OSR2: variants seen among roughly 807,000 people sequenced by gnomAD.
OSR2 encodes odd-skipped related transciption factor 2.
OSR2 carries 8 observed loss-of-function variants against 22.3 expected under a neutral mutation model. The observed-to-expected ratio is 0.36, with a 90% confidence interval of 0.21 to 0.65. The LOEUF (loss-of-function observed/expected upper bound fraction) is 0.65. Ranked by LOEUF, OSR2 falls within the 30% of genes least tolerant of loss-of-function variation. The pLI is 0.66. For missense variants in OSR2, 311 were observed against 413.4 expected (o/e 0.75, Z 2.15); for synonymous variants, 179 against 173.8 (o/e 1.03, Z -0.23).
In OSR2 at chr8:98,951,826, A is replaced by G; in HGVS notation, c.*125A>G. ...CCAGCTCTTCCCTTGCTGCAGCCGC[A>G]CCTGCAGCTCCAGGGAGTTAACTCT... On this transcript the variant is annotated 3_prime_UTR_variant, in exon 4 of 4. Transcript: ENST00000297565. The G allele has an allele frequency of 4.4e-6, 4 of 915,104 alleles. No homozygotes were observed. Among genetic ancestry groups the G allele is most frequent in the Non-Finnish European group, 6.4e-6 (4 of 621,992 alleles). 56.7% of individuals were successfully genotyped at this position (915,104 alleles called of 1,614,324 possible). A position where few individuals can be genotyped will look rare whatever the true frequency, so the allele number is the denominator to read the frequency against.
In OSR2 at chr8:98,948,683, C is replaced by G. The variant is rs927480079; in HGVS notation, c.-114-156C>G. On this transcript the variant is annotated intron_variant, in intron 1 of 3. Coordinates refer to ENST00000297565, the MANE Select transcript of OSR2 (RefSeq NM_001142462.3). This position sits in a 1 kb window ranked among gnomAD's most constrained non-coding sequence, Gnocchi z 6.0. ...TCTGCACGCGGACTTGAGCAGGTGC[C>G]AAGGTGCCACGCAGTCCCCTCACGG... 1 of 1,050,514 alleles carries G rather than the reference C, an allele frequency of 9.5e-7. No individual in the cohort carries two copies. Among genetic ancestry groups the G allele is most frequent in the Non-Finnish European group, 1.3e-6 (1 of 749,392 alleles). The allele number at this position is 1,050,514 out of a possible 1,614,324, so 65.1% of individuals were successfully genotyped here.
Position 98,948,059 on chromosome 8 carries a change from A to G in OSR2, c.-114-780A>G. Reference sequence around the variant, plus strand: ...TGGGAGCCTGAACCATCTGGAAGGGATCTTAGTCGGGGGTTGGGAGGAGAG... The same window carrying G: ...TGGGAGCCTGAACCATCTGGAAGGGGTCTTAGTCGGGGGTTGGGAGGAGAG... On this transcript the variant is annotated intron_variant, in intron 1 of 3. Coordinates refer to ENST00000297565, the MANE Select transcript of OSR2 (RefSeq NM_001142462.3). The surrounding 1 kb of genome is among the most constrained non-coding windows in gnomAD (Gnocchi z 6.0). The G allele has an allele frequency of 8.0e-7, 1 of 1,250,366 alleles. No homozygotes were observed. Among genetic ancestry groups the G allele is most frequent in the Non-Finnish European group, 1.0e-6 (1 of 972,060 alleles). 77.5% of individuals were successfully genotyped at this position (1,250,366 alleles called of 1,614,324 possible). A position where few individuals can be genotyped will look rare whatever the true frequency, so the allele number is the denominator to read the frequency against.
At chr8:98,947,860 C>T (rs1224573028) in intron 1 of OSR2, among the ~76,000 whole-genome samples, 3 of 152,180 alleles carry the variant, frequency 2.0e-5, no homozygotes, top group Non-Finnish European at 4.4e-5. Flanking sequence ...CTCTCCTCTC[C>T]CCTCTCTTCT....
rs1840666928 is a variant in OSR2 at position 98,948,222 on chromosome 8, G to A, written c.-114-617G>A. ...AAAAGAAAACCTCCGAGGTCAGTGC[G>A]GGGCGAGGTGAGCCCCTCCCAGGGC... is the stretch of plus-strand genomic sequence containing the variant. On this transcript the variant is annotated intron_variant, in intron 1 of 3. Coordinates refer to ENST00000297565, the MANE Select transcript of OSR2 (RefSeq NM_001142462.3). This position sits in a 1 kb window ranked among gnomAD's most constrained non-coding sequence, Gnocchi z 6.0. The A allele has an allele frequency of 6.8e-7, 1 of 1,464,596 alleles. No homozygotes were observed. Among genetic ancestry groups the A allele is most frequent in the African/African-American group, 1.4e-5 (1 of 69,524 alleles). The allele number at this position is 1,464,596 out of a possible 1,614,324, so 90.7% of individuals were successfully genotyped here. A position where few individuals can be genotyped will look rare whatever the true frequency, so the allele number is the denominator to read the frequency against.
chr8:98,948,994 G>T lies in OSR2; in HGVS notation c.42G>T (p.Pro14=), dbSNP rs1179299573. The T allele has an allele frequency of 3.0e-5, 49 of 1,613,838 alleles. No individual in the cohort carries two copies. Among genetic ancestry groups the T allele is most frequent in the Non-Finnish European group, 3.7e-5 (44 of 1,179,904 alleles). The change falls in exon 2 of 4, where the codon CCG becomes CCT. Residue 14 remains proline, a synonymous_variant. Coordinates refer to ENST00000297565, the MANE Select transcript of OSR2 (RefSeq NM_001142462.3). This position sits in a 1 kb window ranked among gnomAD's most constrained non-coding sequence, Gnocchi z 6.0. ...KALPAPIPLH[P]SLQLTNYSFL... ...TGCCAGCGCCCATCCCGCTCCACCC[G>T]TCGCTGCAGCTCACCAATTACTCCT...
Position 98,948,354 on chromosome 8 carries a change from C to A in OSR2, c.-114-485C>A. ...CACAGGGCGCGGCGGCAGCGCAGCGCGTGGGATCTCACGACCCATCCGTTA... is the reference window on the plus strand; with the variant it reads ...CACAGGGCGCGGCGGCAGCGCAGCGAGTGGGATCTCACGACCCATCCGTTA... On this transcript the variant is annotated intron_variant, in intron 1 of 3. Coordinates refer to ENST00000297565, the MANE Select transcript of OSR2 (RefSeq NM_001142462.3). This position sits in a 1 kb window ranked among gnomAD's most constrained non-coding sequence, Gnocchi z 6.0. 1 of 1,518,916 alleles carries A rather than the reference C, an allele frequency of 6.6e-7. No homozygotes were observed. The highest frequency in any genetic ancestry group is 1.4e-5 in the African/African-American group (1 of 72,100). 94.1% of individuals were successfully genotyped at this position (1,518,916 alleles called of 1,614,324 possible). A position where few individuals can be genotyped will look rare whatever the true frequency, so the allele number is the denominator to read the frequency against.
In OSR2 at chr8:98,949,817, G is replaced by C. The variant is rs770191972; in HGVS notation, c.656+209G>C. Among the ~76,000 whole-genome samples the C allele has an allele frequency of 6.6e-6, 1 of 152,296 alleles. No homozygotes were observed. Among genetic ancestry groups the C allele is most frequent in the Non-Finnish European group, 1.5e-5 (1 of 68,016 alleles). Reference sequence around the variant, plus strand: ...TGCTACGTTCTTGTTTGGAATGAGGGAGGGCCTTTCCTCAGTCTTGGACAG... The same window carrying C: ...TGCTACGTTCTTGTTTGGAATGAGGCAGGGCCTTTCCTCAGTCTTGGACAG... On this transcript the variant is annotated intron_variant, in intron 2 of 3. Coordinates refer to ENST00000297565, the MANE Select transcript of OSR2 (RefSeq NM_001142462.3). This position sits in a 1 kb window ranked among gnomAD's most constrained non-coding sequence, Gnocchi z 5.9.
In OSR2 at chr8:98,944,667, G is replaced by C. The variant is rs1386331089; in HGVS notation, c.-271G>C. The C allele has an allele frequency of 6.6e-6, 1 of 152,290 alleles. No homozygotes were observed. The highest frequency in any genetic ancestry group is 1.5e-5 in the Non-Finnish European group (1 of 68,086). The allele number at this position is 152,290 out of a possible 1,614,324, so 9.4% of individuals were successfully genotyped here. ...AAGACGTGGATCTGCTCTCGCTTTAGCTGCTCGCGGTCCTCCAGATCATGT... is the reference window on the plus strand; with the variant it reads ...AAGACGTGGATCTGCTCTCGCTTTACCTGCTCGCGGTCCTCCAGATCATGT... On this transcript the variant is annotated 5_prime_UTR_variant, in exon 1 of 4. Transcript: ENST00000297565.
Position 98,952,019 on chromosome 8 carries a change from C to T in OSR2, c.*318C>T, listed in dbSNP as rs531110984. ...TTGCTTTGGGATCTTGTTGGATGCA[C>T]TTAGATATGGAAAATGGAAGCCAAA... On this transcript the variant is annotated 3_prime_UTR_variant, in exon 4 of 4. Coordinates refer to ENST00000297565, the MANE Select transcript of OSR2 (RefSeq NM_001142462.3). The T allele has an allele frequency of 4.2e-6, 1 of 238,308 alleles. No homozygotes were observed. Among genetic ancestry groups the T allele is most frequent in the East Asian group, 8.1e-5 (1 of 12,360 alleles). 14.8% of individuals were successfully genotyped at this position (238,308 alleles called of 1,614,324 possible). A position where few individuals can be genotyped will look rare whatever the true frequency, so the allele number is the denominator to read the frequency against.
rs560911414 is a variant in OSR2 at position 98,948,375 on chromosome 8, C to A, written c.-114-464C>A. ...AGCGCGTGGGATCTCACGACCCATC[C>A]GTTAACCCACCGTTCCCAGGAGCTC... On this transcript the variant is annotated intron_variant, in intron 1 of 3. Transcript: ENST00000297565. The surrounding 1 kb of genome is among the most constrained non-coding windows in gnomAD (Gnocchi z 6.0). The A allele has an allele frequency of 6.7e-7, 1 of 1,489,220 alleles. No individual in the cohort carries two copies. The highest frequency in any genetic ancestry group is 8.9e-7 in the Non-Finnish European group (1 of 1,121,614). The allele number at this position is 1,489,220 out of a possible 1,614,324, so 92.3% of individuals were successfully genotyped here.
At chr8:98,945,212 G>T (rs1840571293) in intron 1 of OSR2, among the ~76,000 whole-genome samples, 1 of 152,242 alleles carries the variant, frequency 6.6e-6, no homozygotes, top group South Asian at 2.1e-4. Flanking sequence ...GCGTGGACGG[G>T]CCCGGACACC....
intron 3 of OSR2, 62 bp downstream of exon 3, chr8:98,950,817 A>G: frequency 1.9e-6 from 2 of 1,079,588 alleles, no homozygotes; most frequent in Middle Eastern, 3.9e-4. Context: ...TGCTTTGCAA[A>G]AGGTGTTCAA....
At position 98,951,638 on chromosome 8, in the gene OSR2, G is replaced by A. The variant is rs747303318; in HGVS notation, c.876G>A (p.Val292=). Residue 292 remains valine (V), a synonymous_variant, in exon 4 of 4, where the codon GTG becomes GTA. Transcript: ENST00000297565. ...ACAGCTGCGAGCAGTGCGGCAAAGT[G>A]TTCAGGCGAAACTGTGATCTGCGGC... The part of the protein sequence containing the change: ...KPYSCEQCGK[V]FRRNCDLRRH... 6.2e-6 allele frequency: 10 copies of A among 1,613,864 alleles called. No homozygotes were observed. The South Asian group carries it at 6.6e-5, about 11-fold the overall frequency.
At position 98,949,093 on chromosome 8, in the gene OSR2, G is replaced by C; in HGVS notation, c.141G>C (p.Gln47His). 1 of 1,613,926 alleles carries C rather than the reference G, an allele frequency of 6.2e-7. No individual in the cohort carries two copies. Among genetic ancestry groups the C allele is most frequent in the Non-Finnish European group, 8.5e-7 (1 of 1,179,894 alleles). ...GCCTGTACGGTCTCAGCGCGGTACA[G>C]ACCATGCACATGAACCACTGGACGC... The part of the protein sequence containing the change: ...LQGLYGLSAV[Q>H]TMHMNHWTLG... Residue 47 changes from glutamine to histidine, a missense_variant, in exon 2 of 4, where the codon CAG becomes CAC. Physicochemically the swap from Gln to His is conservative, Grantham distance 24. This residue lies in a region of OSR2 where 146 missense variants were observed against 160.5 expected (regional missense o/e 0.91). Coordinates refer to ENST00000297565, the MANE Select transcript of OSR2 (RefSeq NM_001142462.3). This position sits in a 1 kb window ranked among gnomAD's most constrained non-coding sequence, Gnocchi z 5.9.
In OSR2 at chr8:98,949,471, C is replaced by G; in HGVS notation, c.519C>G (p.Ile173Met). Residue 173 changes from isoleucine (I) to methionine (M), a missense_variant, in exon 2 of 4, where the codon ATC (isoleucine) becomes ATG (methionine). By Grantham distance (10) the Ile-to-Met change is conservative. Coordinates refer to ENST00000297565, the MANE Select transcript of OSR2 (RefSeq NM_001142462.3). The surrounding 1 kb of genome is among the most constrained non-coding windows in gnomAD (Gnocchi z 5.9). ...CCTCCAAAACGAAAAAAGAGTTTAT[C>G]TGCAAGTTTTGCGGCAGACACTTTA... The part of the protein sequence containing the change: ...RLPSKTKKEF[I>M]CKFCGRHFTK... 4 of 1,614,080 alleles carry G rather than the reference C, an allele frequency of 2.5e-6. No homozygotes were observed. Among genetic ancestry groups the G allele is most frequent in the Non-Finnish European group, 3.4e-6 (4 of 1,179,916 alleles).
chr8:98,950,552 C>T, intron 2 of OSR2, 104 bp from the exon 3 acceptor site: 1 of 708,394 alleles, frequency 1.4e-6, no homozygotes, highest in Non-Finnish European at 2.3e-6. Flanking sequence ...AAATGGAAAT[C>T]TTGTTTCTTT....
At position 98,948,001 on chromosome 8, in the gene OSR2, C is replaced by T. The variant is rs1354156200; in HGVS notation, c.-114-838C>T. ...GTCTGGGAAAAGGGGTTCCTCTGGC[C>T]TCAGGGACGTTCTCCGCCCCCACCC... On this transcript the variant is annotated intron_variant, in intron 1 of 3. Coordinates refer to ENST00000297565, the MANE Select transcript of OSR2 (RefSeq NM_001142462.3). This position sits in a 1 kb window ranked among gnomAD's most constrained non-coding sequence, Gnocchi z 6.0. Among the ~76,000 whole-genome samples, 1 of 152,156 alleles carries T rather than the reference C, an allele frequency of 6.6e-6. No homozygotes were observed. Among genetic ancestry groups the T allele is most frequent in the Non-Finnish European group, 1.5e-5 (1 of 68,030 alleles).
chr8:98,948,566 C>A lies in OSR2; in HGVS notation c.-114-273C>A, dbSNP rs1217312386. On this transcript the variant is annotated intron_variant, in intron 1 of 3. Coordinates refer to ENST00000297565, the MANE Select transcript of OSR2 (RefSeq NM_001142462.3). The surrounding 1 kb of genome is among the most constrained non-coding windows in gnomAD (Gnocchi z 6.0). ...GTTTTCCTGGGACCGAGGAGTCTTC[C>A]GCTCCGTATCTGCCTAGAGTCTGAA... The A allele has an allele frequency of 8.6e-7, 1 of 1,156,782 alleles. No individual in the cohort carries two copies. Among genetic ancestry groups the A allele is most frequent in the Non-Finnish European group, 1.2e-6 (1 of 851,540 alleles). 71.7% of individuals were successfully genotyped at this position (1,156,782 alleles called of 1,614,324 possible). A position where few individuals can be genotyped will look rare whatever the true frequency, so the allele number is the denominator to read the frequency against.
At chr8:98,945,458 A>G (rs886938033) in intron 1 of OSR2, among the ~76,000 whole-genome samples, 1 of 152,216 alleles carries the variant, frequency 6.6e-6, no homozygotes, top group African/African-American at 2.4e-5. Flanking sequence ...GTGTTTGTGG[A>G]GGGAGCCCCG....
Sources: allele counts gnomAD v4.1 joint callset (sites outside exome capture counted in the v4.1 genomes callset), GRCh38; gene constraint gnomAD v4.1.1; regional missense constraint gnomAD v4.1.1; non-coding constraint Gnocchi (gnomAD v3.1); transcripts MANE v1.5; gene names NCBI Gene and HGNC (gene_info 2026-07-23, HGNC 2026-07-21).